The following AUTS2 variants were observed in gnomAD, a reference collection of about 807,000 sequenced individuals.
AUTS2 encodes the protein autism susceptibility gene 2 protein.
AUTS2 carries 17 observed loss-of-function variants against 112.4 expected under a neutral mutation model. The observed-to-expected ratio is 0.15, with a 90% CI of 0.10 to 0.23. The LOEUF is 0.23. AUTS2 is among the 10% of genes least tolerant of loss of function. AUTS2 has a pLI of 1.00. For synonymous variants in AUTS2, 751 were observed against 702.7 expected, an observed-to-expected ratio of 1.07 and a Z score of -1.09; for missense variants, 1,510 against 1,701.6, an observed-to-expected ratio of 0.89 and a Z score of 1.98.
At chr7:70,195,507 C>A (rs1046639605) in intron 4 of AUTS2, among the ~76,000 whole-genome samples, 1 of 152,008 alleles carries the variant, frequency 6.6e-6, no homozygotes, top group Non-Finnish European at 1.5e-5. Flanking sequence ...GAAAATTAGT[C>A]GGGCACTGTG....
intron 5 of AUTS2, among the ~76,000 whole-genome samples, chr7:70,538,445 G>C (rs556360532): frequency 2.0e-5 from 3 of 152,034 alleles, no homozygotes; most frequent in Non-Finnish European, 4.4e-5. Context: ...CAGGAGCATC[G>C]CTTGAACCCA....
intron 5 of AUTS2, among the ~76,000 whole-genome samples, chr7:70,553,101 T>C (rs1801082602): frequency 6.6e-6 from 1 of 152,222 alleles, no homozygotes. Context: ...TCAGCTCTGC[T>C]GTTCTCTTGT....
intron 2 of AUTS2, among the ~76,000 whole-genome samples, chr7:69,963,669 C>A (rs1797520511): frequency 6.6e-6 from 1 of 152,104 alleles, no homozygotes; most frequent in Non-Finnish European, 1.5e-5. Flanking sequence ...CAGCTATGAG[C>A]CTATTTAATT....
intron 1 of AUTS2, among the ~76,000 whole-genome samples, chr7:69,879,123 TGTGTGTG>T (rs1229327307): frequency 2.0e-4 from 1 of 5,116 alleles, no homozygotes; most frequent in Non-Finnish European, 5.3e-4. Context: ...AGACTTTCTG[TGTGTGTG>T]TGTGTGTGTG....
chr7:70,173,316 G>C (rs959941374), intron 4 of AUTS2, among the ~76,000 whole-genome samples: 1 of 151,156 alleles, frequency 6.6e-6, no homozygotes, highest in Non-Finnish European at 1.5e-5. Context: ...AGCCGAGGTC[G>C]TGCCACTGTA....
intron 1 of AUTS2, among the ~76,000 whole-genome samples, chr7:69,624,863 A>G (rs532606560): frequency 1.2e-4 from 18 of 152,050 alleles, no homozygotes; most frequent in Non-Finnish European, 2.2e-4. Flanking sequence ...GAAATCTGTT[A>G]TGGCACTCTG....
intron 5 of AUTS2, among the ~76,000 whole-genome samples, chr7:70,619,216 G>C (rs1804539740): frequency 6.6e-6 from 1 of 152,194 alleles, no homozygotes; most frequent in South Asian, 2.1e-4. Context: ...TGGGGCTATC[G>C]ACATGTGTGA....
At chr7:69,903,351 C>G (rs1328803103) in intron 2 of AUTS2, among the ~76,000 whole-genome samples, 2 of 152,158 alleles carry the variant, frequency 1.3e-5, no homozygotes, top group Non-Finnish European at 2.9e-5. Flanking sequence ...GTATATCTGA[C>G]TTCTAGACCA....
At chr7:70,710,304 T>G (rs1192535675) in intron 6 of AUTS2, among the ~76,000 whole-genome samples, 3 of 152,082 alleles carry the variant, frequency 2.0e-5, no homozygotes, top group African/African-American at 7.2e-5. Context: ...CCAGGCAGCT[T>G]CTTTTTCTAT....
At chr7:70,039,350 T>TTTGTTG (rs142049425) in intron 2 of AUTS2, among the ~76,000 whole-genome samples, 1 of 151,828 alleles carries the variant, frequency 6.6e-6, no homozygotes, top group East Asian at 1.9e-4. Flanking sequence ...AGTTTGGGTT[T>TTTGTTG]TTGTTGTTGT....
chr7:69,734,408 A>G (rs1786938006), intron 1 of AUTS2, among the ~76,000 whole-genome samples: 1 of 131,950 alleles, frequency 7.6e-6, no homozygotes, highest in South Asian at 2.5e-4. Flanking sequence ...GTGCTTGGGG[A>G]CTTGTATTTT....
intron 1 of AUTS2, among the ~76,000 whole-genome samples, chr7:69,847,408 A>G (rs917724571): frequency 6.6e-6 from 1 of 152,140 alleles, no homozygotes; most frequent in African/African-American, 2.4e-5. Flanking sequence ...TTTGTAGATC[A>G]TGGGGAAAAC....
In AUTS2 at chr7:70,500,760, T is replaced by G. The variant is rs1447193332; in HGVS notation, c.690+64979T>G. ...TTTTTGAGATGGAGTCCCTCTTTGT[T>G]GCTCAGGCTGGAGTGCAGCAGCATG... On this transcript the variant is annotated intron_variant, in intron 5 of 18. Coordinates refer to ENST00000342771, the MANE Select transcript of AUTS2 (RefSeq NM_015570.4). 2.0e-5 allele frequency among the ~76,000 whole-genome samples: 3 copies of G among 152,104 alleles called. No individual in the cohort carries two copies. The East Asian group carries it at 5.8e-4, about 29-fold the overall frequency.
chr7:70,426,700 T>G (rs1332719109), intron 4 of AUTS2, among the ~76,000 whole-genome samples: 1 of 152,176 alleles, frequency 6.6e-6, no homozygotes, highest in East Asian at 1.9e-4. Flanking sequence ...CACTTTTGCA[T>G]CGGGTAATGC....
At chr7:70,526,978 T>C (rs1799867378) in intron 5 of AUTS2, among the ~76,000 whole-genome samples, 1 of 152,250 alleles carries the variant, frequency 6.6e-6, no homozygotes, top group South Asian at 2.1e-4. Context: ...AAGACATCAA[T>C]TCCATGTCTT....
chr7:70,280,347 G>A (rs12698889), intron 4 of AUTS2, among the ~76,000 whole-genome samples: 15,357 of 146,314 alleles, frequency 0.1, 841 homozygotes, highest in Admixed American at 0.14. Flanking sequence ...GCAGTGGCAC[G>A]ATGTCAGCTC....
intron 2 of AUTS2, among the ~76,000 whole-genome samples, chr7:70,051,440 A>G (rs1007076635): frequency 6.6e-6 from 1 of 152,146 alleles, no homozygotes; most frequent in African/African-American, 2.4e-5. Context: ...TGTGGGGCTG[A>G]GCGTGTTGGC....
chr7:70,713,847 G>C (rs992889033), intron 6 of AUTS2, among the ~76,000 whole-genome samples: 1 of 151,408 alleles, frequency 6.6e-6, no homozygotes, highest in African/African-American at 2.4e-5. Context: ...AGTGAGCGGA[G>C]ATCGCGCCAT....
Position 70,653,897 on chromosome 7 carries a change from A to C in AUTS2, c.691-44672A>C, listed in dbSNP as rs891910343. On this transcript the variant is annotated intron_variant, in intron 5 of 18. Coordinates refer to ENST00000342771, the MANE Select transcript of AUTS2 (RefSeq NM_015570.4). ...GTTAGGTTTTGGAAGTTTGCAAACT[A>C]TGTACTGTTTGTATAAATTAGAATG... Among the ~76,000 whole-genome samples, 4 of 152,232 alleles carry C rather than the reference A, an allele frequency of 2.6e-5. No homozygotes were observed. The South Asian group carries it at 8.3e-4, about 32-fold the overall frequency.
Sources: allele counts gnomAD v4.1 joint callset (sites outside exome capture counted in the v4.1 genomes callset), GRCh38; gene constraint gnomAD v4.1.1; transcripts MANE v1.5; gene names NCBI Gene and HGNC (gene_info 2026-07-23, HGNC 2026-07-21).